Variants in ARHGEF3 observed in about 807,000 individuals in gnomAD.
The protein encoded by ARHGEF3 is Rho guanine nucleotide exchange factor 3.
In ARHGEF3, 28 loss-of-function variants were observed where a neutral mutation model predicts 63.2. The ratio of observed to expected loss-of-function variants is 0.44; its 90% CI spans 0.33 to 0.61. The LOEUF (loss-of-function observed/expected upper bound fraction) is 0.61. Among genes scored for constraint, ARHGEF3 ranks in the 20% least tolerant of loss-of-function variants. The pLI is 0.03. For missense variants in ARHGEF3, 533 were observed against 659.3 expected, an observed-to-expected ratio of 0.81 and a Z score of 2.10; for synonymous variants, 266 against 254.2, an observed-to-expected ratio of 1.05 and a Z score of -0.44.
In ARHGEF3 at chr3:56,997,403, G is replaced by A. The variant is rs984087073; in HGVS notation, c.62+37685C>T. Among the ~76,000 whole-genome samples the A allele has an allele frequency of 1.5e-4, 23 of 152,270 alleles. No individual in the cohort carries two copies. The East Asian group carries it at 3.1e-3, about 21-fold the overall frequency. On this transcript the variant is annotated intron_variant, in intron 2 of 12. Transcript: ENST00000338458. ...AGACAGTCGGGCCCAGGGATCAGGT[G>A]GAGGGCTCTTGGTTCTTGGAAGGGG...
At chr3:57,065,953 C>T (rs563354176) in intron 1 of ARHGEF3, among the ~76,000 whole-genome samples, 1 of 152,092 alleles carries the variant, frequency 6.6e-6, no homozygotes, top group African/African-American at 2.4e-5. Context: ...CAGTAATTCA[C>T]ATCTGTAATC....
In ARHGEF3 at chr3:56,800,689, C is replaced by T. The variant is rs527519041; in HGVS notation, c.96+1014G>A. On this transcript the variant is annotated intron_variant, in intron 1 of 9. Transcript: ENST00000296315. ...AAGAATGCTGTGACAAGGCCGGATG[C>T]ACACCTGCCTTCAGCCTTTCCCCAG... is the stretch of plus-strand genomic sequence containing the variant. 2.0e-5 allele frequency among the ~76,000 whole-genome samples: 3 copies of T among 152,332 alleles called. No individual in the cohort carries two copies. The East Asian group carries it at 5.8e-4, about 29-fold the overall frequency.
intron 2 of ARHGEF3, among the ~76,000 whole-genome samples, chr3:56,978,557 A>G (rs1173383753): frequency 6.6e-6 from 1 of 152,278 alleles, no homozygotes; most frequent in Non-Finnish European, 1.5e-5. Flanking sequence ...TAAATAAGTT[A>G]GCATGTTTAT....
chr3:56,839,550 A>G (rs891494345), intron 4 of ARHGEF3, among the ~76,000 whole-genome samples: 1 of 152,038 alleles, frequency 6.6e-6, no homozygotes, highest in African/African-American at 2.4e-5. Context: ...GTACATAAGA[A>G]CTCTCTGTGT....
At chr3:57,072,758 A>G (rs1705989931) in intron 1 of ARHGEF3, among the ~76,000 whole-genome samples, 1 of 151,700 alleles carries the variant, frequency 6.6e-6, no homozygotes, top group Admixed American at 6.6e-5. Context: ...AAAAATAAAT[A>G]AAAACAAGCC....
intron 3 of ARHGEF3, among the ~76,000 whole-genome samples, chr3:56,753,967 T>C (rs1168202082): frequency 6.6e-6 from 1 of 152,242 alleles, no homozygotes; most frequent in Non-Finnish European, 1.5e-5. Context: ...GCAGTATTAT[T>C]AACTGGGCCA....
At chr3:56,947,904 A>G (rs145522810) in intron 3 of ARHGEF3, among the ~76,000 whole-genome samples, 17,540 of 152,220 alleles carry the variant, frequency 0.12, 1,268 homozygotes, top group East Asian at 0.25. Flanking sequence ...CAAATGTAAA[A>G]GAACAGAAGT....
chr3:56,782,779 G>C (rs1228472010), intron 1 of ARHGEF3, among the ~76,000 whole-genome samples: 2 of 152,056 alleles, frequency 1.3e-5, no homozygotes, highest in Non-Finnish European at 2.9e-5. Flanking sequence ...ACAGGCTTTC[G>C]GGCTGCTGGA....
At chr3:56,795,749 C>T (rs1317133910) in intron 1 of ARHGEF3, among the ~76,000 whole-genome samples, 1 of 150,066 alleles carries the variant, frequency 6.7e-6, no homozygotes, top group Non-Finnish European at 1.5e-5. Flanking sequence ...TCAAGTGATT[C>T]TCCTGCCTCA....
intron 1 of ARHGEF3, among the ~76,000 whole-genome samples, chr3:57,077,610 G>A (rs889421138): frequency 6.6e-6 from 1 of 152,110 alleles, no homozygotes; most frequent in African/African-American, 2.4e-5. Flanking sequence ...GTGGGAGAAG[G>A]TGACAAGATC....
At chr3:56,939,560 T>G (rs562854525) in intron 3 of ARHGEF3, among the ~76,000 whole-genome samples, 1 of 152,328 alleles carries the variant, frequency 6.6e-6, no homozygotes, top group South Asian at 2.1e-4. Flanking sequence ...AGAAATGGCT[T>G]AAGAACACAA....
intron 4 of ARHGEF3, among the ~76,000 whole-genome samples, chr3:56,859,930 G>A (rs1431224442): frequency 6.6e-6 from 1 of 151,940 alleles, no homozygotes; most frequent in East Asian, 2.0e-4. Context: ...GGAGGCTGAG[G>A]TGGGTGGATT....
At chr3:56,929,163 A>G (rs929823329) in intron 3 of ARHGEF3, among the ~76,000 whole-genome samples, 4 of 152,106 alleles carry the variant, frequency 2.6e-5, no homozygotes, top group Admixed American at 1.3e-4. Context: ...TAGAAAGGAG[A>G]GTGAGAGTGG....
At chr3:56,916,275 C>T (rs1327587783) in intron 3 of ARHGEF3, 4 of 1,530,638 alleles carry the variant, frequency 2.6e-6, no homozygotes, top group African/African-American at 2.7e-5. Context: ...AGTTGAGAGC[C>T]GGCCCATCCC....
chr3:56,915,201 C>T (rs2041954364), intron 3 of ARHGEF3, among the ~76,000 whole-genome samples: 1 of 151,998 alleles, frequency 6.6e-6, no homozygotes, highest in South Asian at 2.1e-4. Flanking sequence ...TGCCTCTAAC[C>T]CCAGCACTTT....
chr3:56,989,532 C>T (rs920872221), intron 2 of ARHGEF3, among the ~76,000 whole-genome samples: 2 of 152,220 alleles, frequency 1.3e-5, no homozygotes, highest in Non-Finnish European at 2.9e-5. Flanking sequence ...GCCCAGGGGG[C>T]AGGGGGCTCC....
At chr3:56,859,341 G>A (rs1578695544) in intron 4 of ARHGEF3, among the ~76,000 whole-genome samples, 1 of 151,686 alleles carries the variant, frequency 6.6e-6, no homozygotes, top group Non-Finnish European at 1.5e-5. Context: ...GGGTTTCACC[G>A]TGTTAGCCAG....
Position 56,743,390 on chromosome 3 carries a change from T to C in ARHGEF3, c.870+1815A>G, listed in dbSNP as rs78905306. Among the ~76,000 whole-genome samples, 615 of 152,282 alleles carry C rather than the reference T, an allele frequency of 4.0e-3. 1 individual carries two copies. Among genetic ancestry groups the C allele is most frequent in the African/African-American group, 0.014 (581 of 41,558 alleles). Reference sequence around the variant, plus strand: ...TGGGCAGGCTTTCTGCATCAAGGTATAGAATCATAAAGAAGTTGAAGGGCA... The same window carrying C: ...TGGGCAGGCTTTCTGCATCAAGGTACAGAATCATAAAGAAGTTGAAGGGCA... On this transcript the variant is annotated intron_variant, in intron 7 of 9. Coordinates refer to ENST00000296315, the MANE Select transcript of ARHGEF3 (RefSeq NM_019555.3).
At chr3:57,027,275 C>A (rs1036704229) in intron 2 of ARHGEF3, among the ~76,000 whole-genome samples, 19 of 152,198 alleles carry the variant, frequency 1.2e-4, no homozygotes, top group African/African-American at 4.1e-4. Context: ...TCACTTCCTC[C>A]CCTAACACCC....
Sources: gnomAD v4.1 joint callset for allele counts (sites outside exome capture counted in the v4.1 genomes callset) on GRCh38, gnomAD v4.1.1 for gene constraint, MANE v1.5 for transcripts, NCBI Gene and HGNC (gene_info 2026-07-23, HGNC 2026-07-21) for gene names.